TMEM232: variants seen among roughly 807,000 people sequenced by gnomAD.
TMEM232 encodes the protein transmembrane protein 232.
Under a neutral mutation model 78.8 loss-of-function variants are expected in TMEM232, and 80 were observed. That is an observed-to-expected ratio of 1.01 (90% CI 0.85 to 1.22). The LOEUF is 1.22. TMEM232 is among the 50% of genes most tolerant of loss of function. The probability of loss-of-function intolerance (pLI) is 0.00; values close to 1 mark genes in which losing one functional copy is unlikely to be tolerated. For synonymous variants in TMEM232, 297 were observed against 254.3 expected, an observed-to-expected ratio of 1.17 and a Z score of -1.60; for missense variants, 881 against 742.2, an observed-to-expected ratio of 1.19 and a Z score of -2.17.
At chr5:110,499,877 T>C (rs1455860297) in intron 12 of TMEM232, among the ~76,000 whole-genome samples, 1 of 152,190 alleles carries the variant, frequency 6.6e-6, no homozygotes, top group Non-Finnish European at 1.5e-5. Context: ...TTAATTATAC[T>C]ATCAACTACT....
At chr5:110,667,106 T>C (rs908812442) in intron 2 of TMEM232, 122 bp downstream of exon 2, 8 of 771,604 alleles carry the variant, frequency 1.0e-5, no homozygotes, top group African/African-American at 5.5e-5. Context: ...ATTAAACAAA[T>C]AGTAAACTTT....
rs747326060 is a variant in TMEM232 at position 110,606,148 on chromosome 5, A to G, written c.1026+16T>C. 4 of 1,530,058 alleles carry G rather than the reference A, an allele frequency of 2.6e-6. No individual in the cohort carries two copies. In the African/African-American group the frequency reaches 5.5e-5, roughly 21 times the overall value. 94.8% of individuals were successfully genotyped at this position (1,530,058 alleles called of 1,614,324 possible). A position where few individuals can be genotyped will look rare whatever the true frequency, so the allele number is the denominator to read the frequency against. On this transcript the variant is annotated intron_variant, in intron 9 of 13. Transcript: ENST00000455884. ...TCTCTTCGGTTCTCTTTTCACATATAAATTAGCAATGTTACCTGATTTTGA... is the reference window on the plus strand; with the variant it reads ...TCTCTTCGGTTCTCTTTTCACATATGAATTAGCAATGTTACCTGATTTTGA...
intron 2 of TMEM232, 91 bp from the exon 3 acceptor site, chr5:110,642,462 A>G: frequency 1.2e-6 from 1 of 837,482 alleles, no homozygotes. Context: ...ATGTATAACT[A>G]TATTCTAGCA....
chr5:110,618,793 G>A (rs750280954), intron 7 of TMEM232, among the ~76,000 whole-genome samples: 7 of 152,120 alleles, frequency 4.6e-5, no homozygotes, highest in African/African-American at 7.2e-5. Context: ...TGTGTTCAAT[G>A]ATATCAGCTC....
At chr5:110,483,465 A>T (rs1764116760) in intron 12 of TMEM232, among the ~76,000 whole-genome samples, 2 of 152,136 alleles carry the variant, frequency 1.3e-5, no homozygotes, top group Non-Finnish European at 2.9e-5. Context: ...AATAAGTTTG[A>T]AGATTTCATC....
At chr5:110,641,124 T>C (rs1455750053) in intron 3 of TMEM232, 128 bp from the exon 4 acceptor site, 6 of 517,108 alleles carry the variant, frequency 1.2e-5, no homozygotes, top group African/African-American at 4.1e-5. Context: ...CAGAGTTGTA[T>C]ACAATTTTAT....
chr5:110,451,925 GA>G (rs1204466211), intron 12 of TMEM232, among the ~76,000 whole-genome samples: 1 of 152,008 alleles, frequency 6.6e-6, no homozygotes, highest in African/African-American at 2.4e-5. Flanking sequence ...TTATTTAACA[GA>G]AAATCTGTTT....
chr5:110,676,315 T>C (rs189507287), intron 1 of TMEM232, among the ~76,000 whole-genome samples: 24 of 152,122 alleles, frequency 1.6e-4, no homozygotes, highest in African/African-American at 4.6e-4. Flanking sequence ...CCTAAGGTAG[T>C]TCTATTTTCA....
intron 12 of TMEM232, among the ~76,000 whole-genome samples, chr5:110,448,664 A>G (rs969384755): frequency 6.6e-6 from 1 of 152,014 alleles, no homozygotes; most frequent in Non-Finnish European, 1.5e-5. Context: ...AGTGAAAAAG[A>G]AGTAAAAATG....
intron 1 of TMEM232, among the ~76,000 whole-genome samples, chr5:110,704,256 A>G (rs1367750433): frequency 6.6e-6 from 1 of 152,080 alleles, no homozygotes; most frequent in Non-Finnish European, 1.5e-5. Context: ...AGTATTATTG[A>G]CATACCATAC....
intron 1 of TMEM232, among the ~76,000 whole-genome samples, chr5:110,702,216 G>C (rs1450465694): frequency 6.6e-6 from 1 of 152,076 alleles, no homozygotes; most frequent in Non-Finnish European, 1.5e-5. Context: ...TATTTGGGCT[G>C]CTGCTTTTCC....
intron 4 of TMEM232, among the ~76,000 whole-genome samples, chr5:110,389,222 C>T (rs1258939281): frequency 2.0e-5 from 3 of 152,138 alleles, no homozygotes; most frequent in African/African-American, 4.8e-5. Context: ...GATCGCACTA[C>T]TGCACTTCAG....
At chr5:110,677,034 T>A (rs1416275391) in intron 1 of TMEM232, among the ~76,000 whole-genome samples, 1 of 152,112 alleles carries the variant, frequency 6.6e-6, no homozygotes, top group African/African-American at 2.4e-5. Context: ...ATGCTGGGAT[T>A]ACAGGCGTGA....
chr5:110,468,207 T>A (rs375171641), intron 12 of TMEM232, among the ~76,000 whole-genome samples: 8 of 152,230 alleles, frequency 5.3e-5, no homozygotes, highest in East Asian at 3.9e-4. Flanking sequence ...TGAAATAACA[T>A]CTTTTAAATT....
intron 12 of TMEM232, chr5:110,513,746 G>T (rs915655832): frequency 6.1e-6 from 1 of 164,088 alleles, no homozygotes; most frequent in Admixed American, 6.5e-5. Context: ...TGGTGAAAAT[G>T]TAACTTGGTA....
At chr5:110,672,235 C>T (rs1305527601) in intron 1 of TMEM232, among the ~76,000 whole-genome samples, 1 of 152,076 alleles carries the variant, frequency 6.6e-6, no homozygotes, top group Non-Finnish European at 1.5e-5. Context: ...AACTTATTGT[C>T]CAAAGATTCC....
intron 12 of TMEM232, among the ~76,000 whole-genome samples, chr5:110,459,888 A>C (rs561630902): frequency 3.3e-5 from 5 of 152,280 alleles, no homozygotes; most frequent in Non-Finnish European, 5.9e-5. Flanking sequence ...ATAACCTGCA[A>C]CTAATCATGA....
chr5:110,594,133 C>T (rs752981379), intron 10 of TMEM232, among the ~76,000 whole-genome samples: 1 of 151,776 alleles, frequency 6.6e-6, no homozygotes, highest in Admixed American at 6.6e-5. Context: ...ACTGGTTAGA[C>T]AGTGGGTGCA....
rs536856445 is a variant in TMEM232, at chr5:110,605,139, C to T, written c.1246G>A (p.Glu416Lys). Residue 416 changes from glutamate to lysine, a missense_variant, in exon 10 of 14, where the codon GAA becomes AAA. Glu to Lys is a moderately conservative substitution (Grantham distance 56). Coordinates refer to ENST00000455884, the MANE Select transcript of TMEM232 (RefSeq NM_001039763.4). ...TCTGACATTTTTGAAGAGAAATATT[C>T]CAAAAGACTTAAAATACTTGTTTCC... ...LKETSILSLL[E>K]YFSSKMSENC... 5 of 1,546,720 alleles carry T rather than the reference C, an allele frequency of 3.2e-6. No homozygotes were observed. In the African/African-American group the frequency reaches 6.9e-5, roughly 21 times the overall value.
Sources: allele counts gnomAD v4.1 joint callset (sites outside exome capture counted in the v4.1 genomes callset), GRCh38; gene constraint gnomAD v4.1.1; transcripts MANE v1.5; gene names NCBI Gene and HGNC (gene_info 2026-07-23, HGNC 2026-07-21).